The following ZNF792 variants were observed in gnomAD, a reference collection of about 807,000 sequenced individuals.
ZNF792 encodes zinc finger protein 792.
Under a neutral mutation model 13.1 loss-of-function variants are expected in ZNF792, and 14 were observed. The observed-to-expected ratio is 1.07, with a 90% confidence interval of 0.71 to 1.67. The LOEUF is 1.67. Ranked by LOEUF, ZNF792 falls within the 40% of genes most tolerant of loss-of-function variation. ZNF792 has a pLI of 0.00. For missense variants in ZNF792, 740 were observed against 807.9 expected (o/e 0.92, Z 1.02); for synonymous variants, 257 against 292.0 (o/e 0.88, Z 1.22).
At chr19:34,961,045 T>C in intron 1 of ZNF792, 51 bp from the exon 2 acceptor site, 1 of 1,569,410 alleles carries the variant, frequency 6.4e-7, no homozygotes, top group Admixed American at 1.7e-5. Flanking sequence ...TCCTTGGGAC[T>C]CCCTATCCAT....
rs2013454123 is a variant in ZNF792, at chr19:34,957,822, C to T, written c.*134G>A. 1.2e-6 allele frequency: 1 copy of T among 855,968 alleles called. No individual in the cohort carries two copies. The highest frequency in any genetic ancestry group is 1.9e-5 in the South Asian group (1 of 51,974). The allele number at this position is 855,968 out of a possible 1,614,324, so 53.0% of individuals were successfully genotyped here. A position where few individuals can be genotyped will look rare whatever the true frequency, so the allele number is the denominator to read the frequency against. ...CCTGAGCACAGTGGAGTGGTGGACA[C>T]ACTCTTTGGAGAGCTGCAGTGTGTG... On this transcript the variant is annotated 3_prime_UTR_variant, in exon 4 of 4. Transcript: ENST00000404801.
At chr19:34,961,848 C>A (rs2013532490) in intron 1 of ZNF792, among the ~76,000 whole-genome samples, 1 of 152,180 alleles carries the variant, frequency 6.6e-6, no homozygotes, top group Non-Finnish European at 1.5e-5. Context: ...CAAGGGTCAC[C>A]ACAGAAGCCT....
At chr19:34,960,092 G>C in intron 3 of ZNF792, 143 bp downstream of exon 3, 1 of 1,246,802 alleles carries the variant, frequency 8.0e-7, no homozygotes. Context: ...TAGATAATGT[G>C]TCAAGCACGG....
chr19:34,959,714 C>A (rs1463691204), intron 3 of ZNF792, 143 bp from the exon 4 acceptor site: 6 of 921,860 alleles, frequency 6.5e-6, no homozygotes, highest in Non-Finnish European at 9.4e-6. Flanking sequence ...AAGGAATAAT[C>A]TGCTCCGCCA....
chr19:34,958,943 G>A lies in ZNF792; in HGVS notation c.912C>T (p.His304=). 1 of 1,614,088 alleles carries A rather than the reference G, an allele frequency of 6.2e-7. No individual in the cohort carries two copies. The highest frequency in any genetic ancestry group is 8.5e-7 in the Non-Finnish European group (1 of 1,179,936). Residue 304 remains histidine (H), a synonymous_variant, in exon 4 of 4, where the codon CAC becomes CAT. Transcript: ENST00000404801. ...AGCACTCATACGGTTTTCCTCTATT[G>A]TGAACTTTCTGGTGTTGAGTGAGGT... ...AADLTQHQKV[H]NRGKPYECCE...
At chr19:34,960,136 G>A (rs2013504162) in intron 3 of ZNF792, 99 bp downstream of exon 3, 1 of 1,509,162 alleles carries the variant, frequency 6.6e-7, no homozygotes, top group Non-Finnish European at 9.0e-7. Flanking sequence ...CTGGCTACTG[G>A]CATTGGTATC....
rs767684002 is a variant in ZNF792, at chr19:34,960,920, T to A, written c.108A>T (p.Arg36Ser). Residue 36 changes from arginine (R) to serine (S), a missense_variant, in exon 2 of 4, where the codon AGA (arginine) becomes AGT (serine). By Grantham distance (110) the Arg-to-Ser change is moderately radical. Coordinates refer to ENST00000404801, the MANE Select transcript of ZNF792 (RefSeq NM_175872.5). The part of the protein sequence containing the change: ...EEWVLLDEAQ[R>S]LLYCDVMLEN... ...CCAGCATCACATCGCAGTACAGGAGTCTCTGAGCCTCATCGAGGAGCACCC... is the reference window on the plus strand; with the variant it reads ...CCAGCATCACATCGCAGTACAGGAGACTCTGAGCCTCATCGAGGAGCACCC... 1 of 1,613,590 alleles carries A rather than the reference T, an allele frequency of 6.2e-7. No homozygotes were observed. The highest frequency in any genetic ancestry group is 8.5e-7 in the Non-Finnish European group (1 of 1,179,816).
In ZNF792 at chr19:34,963,659, C is replaced by A; in HGVS notation, c.4G>T (p.Ala2Ser). 6.2e-7 allele frequency: 1 copy of A among 1,602,212 alleles called. No individual in the cohort carries two copies. M[A>S]AAALRDPAQG... ...GCGGGGTCCCGCAGCGCCGCCGCTGCCATCGGAGTCTGTGGTCAGAGCAGG... is the reference window on the plus strand; with the variant it reads ...GCGGGGTCCCGCAGCGCCGCCGCTGACATCGGAGTCTGTGGTCAGAGCAGG... The change falls in exon 1 of 4, where the codon GCA becomes TCA. Residue 2 changes from alanine to serine, a missense_variant. Ala to Ser is a moderately conservative substitution (Grantham distance 99). Transcript: ENST00000404801.
chr19:34,958,677 G>C lies in ZNF792; in HGVS notation c.1178C>G (p.Ala393Gly), dbSNP rs1231797525. The C allele has an allele frequency of 3.7e-6, 6 of 1,614,050 alleles. No individual in the cohort carries two copies. Among genetic ancestry groups the C allele is most frequent in the Non-Finnish European group, 5.1e-6 (6 of 1,180,022 alleles). Reference sequence around the variant, plus strand: ...TTTCCCACATTCACTGCACTCATGGGCACTTCTGCCCGTATGAACCCTCTT... The same window carrying C: ...TTTCCCACATTCACTGCACTCATGGCCACTTCTGCCCGTATGAACCCTCTT... ...HHKRVHTGRSAHECSECGKSF... is the reference protein window; with the variant it reads ...HHKRVHTGRSGHECSECGKSF... Residue 393 changes from alanine (A) to glycine (G), a missense_variant, in exon 4 of 4, where the codon GCC becomes GGC. Ala to Gly is a moderately conservative substitution (Grantham distance 60). Coordinates refer to ENST00000404801, the MANE Select transcript of ZNF792 (RefSeq NM_175872.5).
At position 34,963,828 on chromosome 19, in the gene ZNF792, C is replaced by T. The variant is rs987042568; in HGVS notation, c.-166G>A. 2 of 785,800 alleles carry T rather than the reference C, an allele frequency of 2.5e-6. No homozygotes were observed. The highest frequency in any genetic ancestry group is 4.0e-5 in the South Asian group (2 of 50,184). 48.7% of individuals were successfully genotyped at this position (785,800 alleles called of 1,614,324 possible). ...CTCAGTCTCCCCCGTGCAAAATGCGCAAGGGGCCCGGGGCGCAGGCTCCGG... is the reference window on the plus strand; with the variant it reads ...CTCAGTCTCCCCCGTGCAAAATGCGTAAGGGGCCCGGGGCGCAGGCTCCGG... On this transcript the variant is annotated 5_prime_UTR_variant, in exon 1 of 4. Transcript: ENST00000404801.
In ZNF792 at chr19:34,958,970, A is replaced by T; in HGVS notation, c.885T>A (p.Ala295=). 6.2e-7 allele frequency: 1 copy of T among 1,614,146 alleles called. No individual in the cohort carries two copies. The highest frequency in any genetic ancestry group is 8.5e-7 in the Non-Finnish European group (1 of 1,179,974). Residue 295 remains alanine, a synonymous_variant, in exon 4 of 4, where the codon GCT becomes GCA. Coordinates refer to ENST00000404801, the MANE Select transcript of ZNF792 (RefSeq NM_175872.5). ...SKCGIFFTYA[A]DLTQHQKVHN... ...GAACTTTCTGGTGTTGAGTGAGGTC[A>T]GCGGCGTAAGTGAAGAAGATTCCAC...
Position 34,963,949 on chromosome 19 carries a change from C to A in ZNF792, c.-287G>T. On this transcript the variant is annotated 5_prime_UTR_variant, in exon 1 of 4. The change creates a new upstream start codon in the 5' untranslated region. Coordinates refer to ENST00000404801, the MANE Select transcript of ZNF792 (RefSeq NM_175872.5). ...AGGGGGTCCCGGCCTCACTGTCCCCCTCGCGGTCCGGGAAAGCCGGCGGGG... is the reference window on the plus strand; with the variant it reads ...AGGGGGTCCCGGCCTCACTGTCCCCATCGCGGTCCGGGAAAGCCGGCGGGG... 1 of 395,422 alleles carries A rather than the reference C, an allele frequency of 2.5e-6. No individual in the cohort carries two copies. The allele number at this position is 395,422 out of a possible 1,614,324, so 24.5% of individuals were successfully genotyped here.
At position 34,958,912 on chromosome 19, in the gene ZNF792, A is replaced by C. The variant is rs780266977; in HGVS notation, c.943T>G (p.Cys315Gly). 4 of 1,613,914 alleles carry C rather than the reference A, an allele frequency of 2.5e-6. No individual in the cohort carries two copies. Among genetic ancestry groups the C allele is most frequent in the Non-Finnish European group, 3.4e-6 (4 of 1,179,834 alleles). Residue 315 changes from cysteine to glycine, a missense_variant, in exon 4 of 4, where the codon TGT becomes GGT. Physicochemically the swap from Cys to Gly is radical, Grantham distance 159 (BLOSUM62 -3). Coordinates refer to ENST00000404801, the MANE Select transcript of ZNF792 (RefSeq NM_175872.5). ...GAGTGCTGGCTGAAGAATTTTCCAC[A>C]TTCACAGCACTCATACGGTTTTCCT... is the stretch of plus-strand genomic sequence containing the variant. ...NRGKPYECCE[C>G]GKFFSQHSSL... is the part of the protein sequence containing the mutation.
Position 34,959,197 on chromosome 19 carries a change from C to A in ZNF792, c.658G>T (p.Val220Leu). The A allele has an allele frequency of 6.2e-7, 1 of 1,614,026 alleles. No individual in the cohort carries two copies. The highest frequency in any genetic ancestry group is 8.5e-7 in the Non-Finnish European group (1 of 1,179,896). ...CACTGCAGAAACCCTGCTGTGGCCA[C>A]AAAGTCCTTCCCACCCTCCCTGCAG... ...STCREGGKDF[V>L]ATAGFLQCEV... The change falls in exon 4 of 4, where the codon GTG (valine) becomes TTG (leucine). Residue 220 changes from valine to leucine, a missense_variant. By Grantham distance (32) the Val-to-Leu change is conservative (BLOSUM62 1). Transcript: ENST00000404801.
In ZNF792 at chr19:34,958,474, G is replaced by A. The variant is rs140967841; in HGVS notation, c.1381C>T (p.Arg461Ter). The part of the protein sequence containing the change: ...GCGECGKAFS[R>*]SSDLMKHQRV... ...TGATGTTTCATGAGGTCAGAGCTTC[G>A]GCTGAAGGCTTTCCCACACTCACCA... is the stretch of plus-strand genomic sequence containing the variant. Residue 461 changes from arginine (R) to a stop codon, truncating the protein, a stop_gained, in exon 4 of 4, where the codon CGA becomes TGA. Coordinates refer to ENST00000404801, the MANE Select transcript of ZNF792 (RefSeq NM_175872.5). LOFTEE classifies it low-confidence loss of function (END_TRUNC). 4.0e-5 allele frequency: 64 copies of A among 1,598,888 alleles called. 1 individual carries two copies. In the Middle Eastern group the frequency reaches 5.0e-4, roughly 13 times the overall value.
rs374619999 is a variant in ZNF792, at chr19:34,958,307, G to A, written c.1548C>T (p.Asn516=). 1.5e-5 allele frequency: 25 copies of A among 1,613,418 alleles called. No individual in the cohort carries two copies. Among genetic ancestry groups the A allele is most frequent in the Non-Finnish European group, 2.1e-5 (25 of 1,179,664 alleles). ...GGTGGTTATTGAGGCTGGAGCTTTGGTTAAAGAATTTCCCACATTCACTGC... is the reference window on the plus strand; with the variant it reads ...GGTGGTTATTGAGGCTGGAGCTTTGATTAAAGAATTTCCCACATTCACTGC... The part of the protein sequence containing the change: ...YQCSECGKFF[N]QSSSLNNHRR... The change falls in exon 4 of 4, where the codon AAC becomes AAT. Residue 516 remains asparagine, a synonymous_variant. Coordinates refer to ENST00000404801, the MANE Select transcript of ZNF792 (RefSeq NM_175872.5).
chr19:34,963,566 T>A (rs1251059539), intron 1 of ZNF792, 64 bp downstream of exon 1: 1 of 1,571,332 alleles, frequency 6.4e-7, no homozygotes, highest in Non-Finnish European at 8.6e-7. Flanking sequence ...ATCTTTTGCG[T>A]CTCAACACCG....
rs544978583 is a variant in ZNF792 at position 34,964,058 on chromosome 19, T to A, written c.-396A>T. On this transcript the variant is annotated 5_prime_UTR_variant, in exon 1 of 4. Transcript: ENST00000404801. Reference sequence around the variant, plus strand: ...GGGACTCAGCCTCCCCGCCGGGAAATGACCTGCGAGGCTGCAGTGCAGGAA... The same window carrying A: ...GGGACTCAGCCTCCCCGCCGGGAAAAGACCTGCGAGGCTGCAGTGCAGGAA... The A allele has an allele frequency of 6.7e-4, 135 of 202,788 alleles. 1 individual carries two copies. The highest frequency in any genetic ancestry group is 2.6e-3 in the African/African-American group (111 of 43,030). The allele number at this position is 202,788 out of a possible 1,614,324, so 12.6% of individuals were successfully genotyped here.
chr19:34,961,323 T>A (rs1186493804), intron 1 of ZNF792, among the ~76,000 whole-genome samples: 1 of 152,096 alleles, frequency 6.6e-6, no homozygotes, highest in Non-Finnish European at 1.5e-5. Flanking sequence ...GAACAGCTCA[T>A]ACTCCCTCCC....
Sources: allele counts gnomAD v4.1 joint callset (sites outside exome capture counted in the v4.1 genomes callset), GRCh38; gene constraint gnomAD v4.1.1; transcripts MANE v1.5; gene names NCBI Gene and HGNC (gene_info 2026-07-23, HGNC 2026-07-21).